The following C17orf99 variants were observed in gnomAD, a reference collection of about 807,000 sequenced individuals.
The protein encoded by C17orf99 is chromosome 17 open reading frame 99, also known as protein IL-40.
C17orf99 carries 18 observed loss-of-function variants against 22.6 expected under a neutral mutation model. The ratio of observed to expected loss-of-function variants is 0.80; its 90% CI spans 0.55 to 1.18. The LOEUF is 1.18. Ranked by LOEUF, C17orf99 falls within the 50% of genes most tolerant of loss-of-function variation. C17orf99 has a pLI of 0.00. For synonymous variants in C17orf99, 147 were observed against 136.6 expected (o/e 1.08, Z -0.53); for missense variants, 328 against 342.7 (o/e 0.96, Z 0.34).
intron 4 of C17orf99, chr17:78,165,329 C>T (rs2075609647): frequency 5.1e-6 from 5 of 985,528 alleles, no homozygotes; most frequent in Non-Finnish European, 6.0e-6. Flanking sequence ...GTCCTTGGCA[C>T]TTTCCCATCT....
chr17:78,152,387 T>G (rs2075491068), intron 2 of C17orf99, among the ~76,000 whole-genome samples: 1 of 150,362 alleles, frequency 6.7e-6, no homozygotes, highest in East Asian at 2.0e-4. Context: ...CAGGCTGGAG[T>G]GCAGTGGTGC....
At chr17:78,151,828 G>C (rs562716830) in intron 2 of C17orf99, among the ~76,000 whole-genome samples, 3 of 152,154 alleles carry the variant, frequency 2.0e-5, no homozygotes, top group Non-Finnish European at 4.4e-5. Flanking sequence ...AACCCTTAAC[G>C]GACGGCGGCT....
intron 2 of C17orf99, among the ~76,000 whole-genome samples, chr17:78,155,594 G>T (rs1377451337): frequency 6.6e-6 from 1 of 151,896 alleles, no homozygotes; most frequent in African/African-American, 2.4e-5. Flanking sequence ...TGGTATTACG[G>T]GCCTGAGCTA....
intron 3 of C17orf99, among the ~76,000 whole-genome samples, chr17:78,162,895 C>G (rs960414949): frequency 2.6e-5 from 4 of 152,234 alleles, no homozygotes; most frequent in Non-Finnish European, 4.4e-5. Flanking sequence ...AAGCGATTCT[C>G]CTGCCTCAGC....
At chr17:78,165,695 G>A (rs1280346068) in intron 4 of C17orf99, 194 bp from the exon 5 acceptor site, 5 of 961,462 alleles carry the variant, frequency 5.2e-6, no homozygotes, top group East Asian at 4.0e-5. Context: ...CCAGCTACTC[G>A]GGAGACTGAG....
At position 78,161,271 on chromosome 17, in the gene C17orf99, G is replaced by C. The variant is rs1201524359; in HGVS notation, c.370+17G>C. 3 of 1,547,410 alleles carry C rather than the reference G, an allele frequency of 1.9e-6. No individual in the cohort carries two copies. The East Asian group carries it at 7.3e-5, about 38-fold the overall frequency. On this transcript the variant is annotated intron_variant, in intron 3 of 4. Coordinates refer to ENST00000340363, the MANE Select transcript of C17orf99 (RefSeq NM_001163075.2). Reference sequence around the variant, plus strand: ...TGTGGTCCAGTGAGTGCGGTGGGGGGCACAGGGCTGAGGAGGCAGGTGGGG... The same window carrying C: ...TGTGGTCCAGTGAGTGCGGTGGGGGCCACAGGGCTGAGGAGGCAGGTGGGG...
At chr17:78,150,290 A>C (rs145943513) in intron 2 of C17orf99, among the ~76,000 whole-genome samples, 23 of 152,304 alleles carry the variant, frequency 1.5e-4, no homozygotes, top group African/African-American at 5.5e-4. Flanking sequence ...TACAGGCATG[A>C]GCCACCCTGC....
At chr17:78,158,037 A>G in intron 2 of C17orf99, 2 of 1,362,866 alleles carry the variant, frequency 1.5e-6, no homozygotes, top group Non-Finnish European at 2.1e-6. Context: ...CAGGATGGGC[A>G]CCTATCACTG....
intron 2 of C17orf99, among the ~76,000 whole-genome samples, chr17:78,157,000 G>C (rs2145785621): frequency 6.6e-6 from 1 of 151,674 alleles, no homozygotes; most frequent in Non-Finnish European, 1.5e-5. Context: ...TCTTTTTTTA[G>C]AGGTGAAATT....
chr17:78,151,258 C>T (rs7224036), intron 2 of C17orf99, among the ~76,000 whole-genome samples: 13,922 of 151,602 alleles, frequency 0.092, 1,011 homozygotes, highest in East Asian at 0.19. Context: ...AACCCTGTCT[C>T]TACTAAAAAT....
upstream of C17orf99, among the ~76,000 whole-genome samples, chr17:78,145,940 C>T (rs2075434643): frequency 2.0e-5 from 3 of 152,018 alleles, no homozygotes; most frequent in Non-Finnish European, 4.4e-5. Context: ...GGATTACAGG[C>T]GCACGCCACC....
intron 4 of C17orf99, 53 bp downstream of exon 4, chr17:78,164,417 G>C: frequency 6.4e-7 from 1 of 1,550,788 alleles, no homozygotes; most frequent in Non-Finnish European, 8.7e-7. Flanking sequence ...TGTGCCGGGA[G>C]GGTGCTAGTG....
intron 2 of C17orf99, among the ~76,000 whole-genome samples, chr17:78,160,265 C>CA (rs2075562691): frequency 6.6e-6 from 1 of 152,052 alleles, no homozygotes; most frequent in Admixed American, 6.6e-5. Context: ...CAGCCGGGCG[C>CA]GGTGGCTCAC....
intron 4 of C17orf99, chr17:78,165,338 C>T (rs1380088426): frequency 1.0e-6 from 1 of 985,530 alleles, no homozygotes; most frequent in African/African-American, 1.7e-5. Flanking sequence ...ACTTTCCCAT[C>T]TCACTTCTAC....
chr17:78,158,431 A>T (rs2075545974), intron 2 of C17orf99: 1 of 212,582 alleles, frequency 4.7e-6, no homozygotes, highest in Non-Finnish European at 9.7e-6. Flanking sequence ...AGTAGCTGGG[A>T]CTACGGGCAC....
chr17:78,155,836 A>G, intron 2 of C17orf99, among the ~76,000 whole-genome samples: 1 of 151,562 alleles, frequency 6.6e-6, no homozygotes, highest in East Asian at 2.0e-4. Flanking sequence ...CATGTTGGCC[A>G]GGCTGGTCTT....
intron 3 of C17orf99, among the ~76,000 whole-genome samples, chr17:78,162,931 CCT>C: frequency 6.6e-6 from 1 of 152,028 alleles, no homozygotes; most frequent in Non-Finnish European, 1.5e-5. Flanking sequence ...GACTACAGGC[CCT>C]TGCCCCCATG....
At chr17:78,148,415 G>A (rs2075452394) in intron 2 of C17orf99, among the ~76,000 whole-genome samples, 1 of 152,068 alleles carries the variant, frequency 6.6e-6, no homozygotes, top group Non-Finnish European at 1.5e-5. Flanking sequence ...TGTTGTCCCA[G>A]CTACTCGGGA....
chr17:78,155,471 T>C (rs898798764), intron 2 of C17orf99, among the ~76,000 whole-genome samples: 1 of 152,102 alleles, frequency 6.6e-6, no homozygotes, highest in African/African-American at 2.4e-5. Context: ...GTATTCTTTT[T>C]TTCTTTTTAA....
Sources: allele counts gnomAD v4.1 joint callset (sites outside exome capture counted in the v4.1 genomes callset), GRCh38; gene constraint gnomAD v4.1.1; transcripts MANE v1.5; gene names NCBI Gene and HGNC (gene_info 2026-07-23, HGNC 2026-07-21).